Variants in STON2 observed in about 807,000 individuals in gnomAD.
STON2 encodes stonin 2.
Under a neutral mutation model 65.7 loss-of-function variants are expected in STON2, and 29 were observed. The ratio of observed to expected loss-of-function variants is 0.44; its 90% confidence interval spans 0.33 to 0.60. The LOEUF (loss-of-function observed/expected upper bound fraction) is 0.60, where lower values mean the gene tolerates loss of function less well. Among genes scored for constraint, STON2 ranks in the 20% least tolerant of loss-of-function variants. The probability of loss-of-function intolerance (pLI) is 0.03; values close to 1 mark genes in which losing one functional copy is unlikely to be tolerated. For synonymous variants in STON2, 404 were observed against 414.2 expected (o/e 0.98, Z 0.30); for missense variants, 1,054 against 1,118.1 (o/e 0.94, Z 0.82).
chr14:81,423,546 T>C (rs1901818669), intron 2 of STON2, among the ~76,000 whole-genome samples: 2 of 152,220 alleles, frequency 1.3e-5, no homozygotes, highest in African/African-American at 4.8e-5. Flanking sequence ...TGGCTTCTAC[T>C]GACCCTGAAC....
In STON2 at chr14:81,262,582, A is replaced by G. The variant is rs1894192259; in HGVS notation, c.*5832T>C. The G allele has an allele frequency of 4.1e-6, 4 of 985,312 alleles. No individual in the cohort carries two copies. The highest frequency in any genetic ancestry group is 2.4e-6 in the Non-Finnish European group (2 of 829,890). The allele number at this position is 985,312 out of a possible 1,614,324, so 61.0% of individuals were successfully genotyped here. On this transcript the variant is annotated 3_prime_UTR_variant, in exon 8 of 8. Coordinates refer to ENST00000614646, the MANE Select transcript of STON2 (RefSeq NM_001394390.1). ...CATATTGAAATTCTTTTTTTAGTCT[A>G]TTCTCTTGTAGCTTTTGTTACATCC...
intron 5 of STON2, among the ~76,000 whole-genome samples, chr14:81,321,861 C>T (rs560190304): frequency 6.6e-6 from 1 of 152,164 alleles, no homozygotes; most frequent in East Asian, 1.9e-4. Flanking sequence ...CATCTGAAGC[C>T]CCCATCCCAT....
chr14:81,335,701 G>A (rs1003589178), intron 4 of STON2, among the ~76,000 whole-genome samples: 3 of 152,104 alleles, frequency 2.0e-5, no homozygotes, highest in African/African-American at 7.2e-5. Context: ...AATACTCTTG[G>A]ATTTACTATG....
At chr14:81,321,720 G>C (rs1488456400) in intron 5 of STON2, among the ~76,000 whole-genome samples, 2 of 152,102 alleles carry the variant, frequency 1.3e-5, no homozygotes, top group Admixed American at 6.5e-5. Flanking sequence ...GAAACCCCAG[G>C]AAGTTCTAAA....
At chr14:81,360,008 T>C (rs1224162807) in intron 4 of STON2, among the ~76,000 whole-genome samples, 3 of 152,170 alleles carry the variant, frequency 2.0e-5, no homozygotes, top group Admixed American at 6.6e-5. Context: ...AGAGGATCGC[T>C]CATTCCTGGG....
intron 4 of STON2, among the ~76,000 whole-genome samples, chr14:81,364,145 T>C (rs1007419817): frequency 6.6e-6 from 1 of 152,188 alleles, no homozygotes; most frequent in African/African-American, 2.4e-5. Context: ...CAAACACTTG[T>C]TTCTGAGAAA....
At chr14:81,280,850 A>G (rs1030967017) in intron 5 of STON2, among the ~76,000 whole-genome samples, 2 of 152,162 alleles carry the variant, frequency 1.3e-5, no homozygotes, top group African/African-American at 2.4e-5. Flanking sequence ...GTCTCTACTA[A>G]AAATACAAAA....
intron 5 of STON2, among the ~76,000 whole-genome samples, chr14:81,313,357 A>G (rs1483225429): frequency 6.6e-6 from 1 of 152,182 alleles, no homozygotes; most frequent in Non-Finnish European, 1.5e-5. Context: ...GACTCTCCAT[A>G]AAGCCTGACG....
At position 81,265,343 on chromosome 14, in the gene STON2, T is replaced by C. The variant is rs113019201; in HGVS notation, c.*3071A>G. On this transcript the variant is annotated 3_prime_UTR_variant, in exon 8 of 8. Transcript: ENST00000614646. ...AACAAATTTGATGAAATTAAGATGT[T>C]AGGTTTTTAAAAATTAATAATAATT... is the stretch of plus-strand genomic sequence containing the variant. 7.1e-6 allele frequency: 7 copies of C among 984,420 alleles called. No homozygotes were observed. The highest frequency in any genetic ancestry group is 5.2e-5 in the African/African-American group (3 of 57,310). The allele number at this position is 984,420 out of a possible 1,614,324, so 61.0% of individuals were successfully genotyped here.
intron 4 of STON2, among the ~76,000 whole-genome samples, chr14:81,346,185 G>T (rs762750120): frequency 2.0e-5 from 3 of 152,068 alleles, no homozygotes; most frequent in Non-Finnish European, 4.4e-5. Flanking sequence ...CATTTTTTGG[G>T]AAAACTTATC....
At chr14:81,275,038 A>G (rs1395535419) in intron 6 of STON2, among the ~76,000 whole-genome samples, 1 of 88,462 alleles carries the variant, frequency 1.1e-5, no homozygotes, top group Non-Finnish European at 2.8e-5. Flanking sequence ...CTGTCTGTCT[A>G]AAGTCTTCTC....
intron 4 of STON2, among the ~76,000 whole-genome samples, chr14:81,356,909 A>G (rs1177939251): frequency 6.6e-6 from 1 of 151,172 alleles, no homozygotes; most frequent in South Asian, 2.1e-4. Flanking sequence ...TTTTTTCTTT[A>G]TTAGTCTTGC....
chr14:81,307,535 C>G (rs1426393104), intron 5 of STON2, among the ~76,000 whole-genome samples: 1 of 152,098 alleles, frequency 6.6e-6, no homozygotes, highest in Non-Finnish European at 1.5e-5. Flanking sequence ...AATAGAAAAG[C>G]CTAGTTGAGC....
At position 81,378,742 on chromosome 14, in the gene STON2, G is replaced by A. The variant is rs1465679350; in HGVS notation, c.374-7557C>T. On this transcript the variant is annotated intron_variant, in intron 3 of 7. Transcript: ENST00000614646. ...CTCAAGAACTATTTTTAGCCCCCTT[G>A]GGGATAATATCACCCTGTTGAGAAT... 2.6e-5 allele frequency among the ~76,000 whole-genome samples: 4 copies of A among 152,122 alleles called. No homozygotes were observed. In the East Asian group the frequency reaches 7.7e-4, roughly 29 times the overall value.
chr14:81,325,717 A>G (rs1270141290), intron 4 of STON2, among the ~76,000 whole-genome samples: 1 of 152,192 alleles, frequency 6.6e-6, no homozygotes, highest in East Asian at 1.9e-4. Flanking sequence ...GATACATTTG[A>G]GATTTTCCAT....
At chr14:81,349,307 T>C (rs896242006) in intron 4 of STON2, among the ~76,000 whole-genome samples, 2 of 152,054 alleles carry the variant, frequency 1.3e-5, no homozygotes, top group Admixed American at 1.3e-4. Context: ...AGTCAACCTA[T>C]TGAATGGGAA....
intron 2 of STON2, chr14:81,427,049 G>C (rs914825683): frequency 1.3e-5 from 2 of 152,082 alleles, no homozygotes; most frequent in Non-Finnish European, 2.9e-5. Flanking sequence ...TATGAAGTAG[G>C]TTCCCTTTAC....
chr14:81,287,131 G>A (rs1051738341), intron 5 of STON2, among the ~76,000 whole-genome samples: 2 of 152,214 alleles, frequency 1.3e-5, no homozygotes, highest in African/African-American at 4.8e-5. Context: ...TAGGGTGAGA[G>A]AAGGGAGGAG....
At chr14:81,358,650 T>C (rs1898358955) in intron 4 of STON2, among the ~76,000 whole-genome samples, 1 of 152,030 alleles carries the variant, frequency 6.6e-6, no homozygotes, top group Non-Finnish European at 1.5e-5. Flanking sequence ...CTGGGTCACC[T>C]CCCTTTTAAA....
Sources: gnomAD v4.1 joint callset for allele counts (sites outside exome capture counted in the v4.1 genomes callset) on GRCh38, gnomAD v4.1.1 for gene constraint, MANE v1.5 for transcripts, NCBI Gene and HGNC (gene_info 2026-07-23, HGNC 2026-07-21) for gene names.